Variants in PXK observed in about 807,000 individuals in gnomAD.
PXK encodes the protein PX domain containing serine/threonine kinase like, also known as PX domain-containing protein kinase-like protein.
In PXK, 35 loss-of-function variants were observed where a neutral mutation model predicts 84.7. The observed-to-expected ratio is 0.41, with a 90% CI of 0.32 to 0.55. The LOEUF (loss-of-function observed/expected upper bound fraction) is 0.55. Ranked by LOEUF, PXK falls within the 20% of genes least tolerant of loss-of-function variation. The probability of loss-of-function intolerance (pLI) is 0.21; values close to 1 mark genes in which losing one functional copy is unlikely to be tolerated. For synonymous variants in PXK, 253 were observed against 260.8 expected, an observed-to-expected ratio of 0.97 and a Z score of 0.29; for missense variants, 634 against 699.7, an observed-to-expected ratio of 0.91 and a Z score of 1.06.
At chr3:58,395,635 G>GT (rs746329140) in intron 8 of PXK, 23 bp from the exon 9 acceptor site, 1 of 1,558,178 alleles carries the variant, frequency 6.4e-7, no homozygotes, top group East Asian at 2.2e-5. Context: ...GCTTTCTTAC[G>GT]TGTTCTTTGT....
At chr3:58,391,290 A>C (rs2098629046) in intron 6 of PXK, 70 bp downstream of exon 6, 4 of 1,348,308 alleles carry the variant, frequency 3.0e-6, no homozygotes, top group Non-Finnish European at 4.2e-6. Context: ...ATTTGACAAG[A>C]GAATTACAAA....
rs868615176 is a variant in PXK, at chr3:58,395,760, G to T, written c.822+1G>T. On this transcript the variant is annotated splice_donor_variant, in intron 9 of 17. Coordinates refer to ENST00000356151, the MANE Select transcript of PXK (RefSeq NM_017771.5). LOFTEE classifies it high-confidence loss of function. ...AACATATGGACGGCAAATATTAGAG[G>T]TAAGAGGTACTTTTGTTTAAGTTGC... 6.2e-7 allele frequency: 1 copy of T among 1,600,296 alleles called. No individual in the cohort carries two copies. The highest frequency in any genetic ancestry group is 1.3e-5 in the African/African-American group (1 of 74,668).
chr3:58,346,094 CCTT>C (rs2097811560), intron 1 of PXK, among the ~76,000 whole-genome samples: 1 of 152,150 alleles, frequency 6.6e-6, no homozygotes, highest in Non-Finnish European at 1.5e-5. Flanking sequence ...TTGGTTCCTG[CCTT>C]CTTTGTTCAT....
rs1464332454 is a variant in PXK at position 58,390,052 on chromosome 3, CTTGT to C, written c.389-529_389-526del. 1.4e-5 allele frequency among the ~76,000 whole-genome samples: 2 copies of C among 147,058 alleles called. No homozygotes were observed. The highest frequency in any genetic ancestry group is 3.0e-5 in the Non-Finnish European group (2 of 67,168). On this transcript the variant is annotated intron_variant, in intron 4 of 17. Coordinates refer to ENST00000356151, the MANE Select transcript of PXK (RefSeq NM_017771.5). The surrounding 1 kb of genome is among the most constrained non-coding windows in gnomAD (Gnocchi z 4.2). ...ATTTAGCCAGGCGTGATGGCCCATG[CTTGT>C]AGTCCCAGCTATTCGGGAGGCTGAG... is the stretch of plus-strand genomic sequence containing the variant.
chr3:58,394,876 C>T, intron 7 of PXK, 122 bp from the exon 8 acceptor site: 1 of 653,602 alleles, frequency 1.5e-6, no homozygotes, highest in South Asian at 2.2e-5. Flanking sequence ...CAGGGAATAT[C>T]ACTACATTCG....
In PXK at chr3:58,333,036, C is replaced by T; in HGVS notation, c.48C>T (p.Asp16=). 7.4e-7 allele frequency: 1 copy of T among 1,357,616 alleles called. No individual in the cohort carries two copies. The allele number at this position is 1,357,616 out of a possible 1,614,324, so 84.1% of individuals were successfully genotyped here. A position where few individuals can be genotyped will look rare whatever the true frequency, so the allele number is the denominator to read the frequency against. The change falls in exon 1 of 18, where the codon GAC becomes GAT. Residue 16 remains aspartate (D), a synonymous_variant. Transcript: ENST00000356151. The surrounding 1 kb of genome is among the most constrained non-coding windows in gnomAD (Gnocchi z 5.4). The part of the protein sequence containing the change: ...KPPAGKVLLD[D]TVPLTAAIEA... ...CAGCCGGCAAGGTGCTGCTGGACGA[C>T]ACGGTGCCGCTGACAGCAGCCATCG... is the stretch of plus-strand genomic sequence containing the variant.
chr3:58,374,009 A>G (rs1576221349), intron 3 of PXK, among the ~76,000 whole-genome samples: 1 of 128,546 alleles, frequency 7.8e-6, no homozygotes, highest in African/African-American at 2.9e-5. Flanking sequence ...CGCACACTGC[A>G]CTCCAGCCAT....
rs1435813666 is a variant in PXK at position 58,390,973 on chromosome 3, CTTTTT to C, written c.467-173_467-169del. 2.0e-5 allele frequency among the ~76,000 whole-genome samples: 3 copies of C among 152,152 alleles called. No homozygotes were observed. Among genetic ancestry groups the C allele is most frequent in the Non-Finnish European group, 2.9e-5 (2 of 68,024 alleles). On this transcript the variant is annotated intron_variant, in intron 5 of 17. Coordinates refer to ENST00000356151, the MANE Select transcript of PXK (RefSeq NM_017771.5). The surrounding 1 kb of genome is among the most constrained non-coding windows in gnomAD (Gnocchi z 4.2). ...TGAATAATTTCTTCATTTACTGTTT[CTTTTT>C]AAGTATAGCCTTTACTATGCCAACG...
chr3:58,417,515 C>T (rs961631007), intron 17 of PXK, among the ~76,000 whole-genome samples: 1 of 152,090 alleles, frequency 6.6e-6, no homozygotes, highest in Admixed American at 6.6e-5. Context: ...GAGGTCCTTA[C>T]CAAGCTGATG....
In PXK at chr3:58,425,103, G is replaced by A; in HGVS notation, c.*143G>A. The A allele has an allele frequency of 1.6e-6, 2 of 1,226,324 alleles. No individual in the cohort carries two copies. The highest frequency in any genetic ancestry group is 2.2e-6 in the Non-Finnish European group (2 of 894,930). 76.0% of individuals were successfully genotyped at this position (1,226,324 alleles called of 1,614,324 possible). A position where few individuals can be genotyped will look rare whatever the true frequency, so the allele number is the denominator to read the frequency against. On this transcript the variant is annotated 3_prime_UTR_variant, in exon 18 of 18. Transcript: ENST00000356151. ...TATTTTGCAGATGCTCATGTAAGCA[G>A]CTTTTCGAGAGAAATAATTCTTTAA...
intron 17 of PXK, chr3:58,422,751 C>T: frequency 1.0e-6 from 1 of 985,404 alleles, no homozygotes; most frequent in African/African-American, 1.7e-5. Flanking sequence ...TCAGCCCAGC[C>T]CTGAGGCCCG....
At chr3:58,410,937 A>G (rs1344814450) in intron 16 of PXK, among the ~76,000 whole-genome samples, 1 of 152,194 alleles carries the variant, frequency 6.6e-6, no homozygotes, top group Middle Eastern at 3.2e-3. Context: ...GGGGAATTTG[A>G]AGATGCAAAA....
At position 58,403,928 on chromosome 3, in the gene PXK, GT is replaced by G; in HGVS notation, c.1230+24del. On this transcript the variant is annotated intron_variant, in intron 13 of 17. Coordinates refer to ENST00000356151, the MANE Select transcript of PXK (RefSeq NM_017771.5). The stretch of plus-strand genomic sequence containing the variant: ...AGTTTAAGGTAAAGACAATTATATC[GT>G]TTTTTGGTTTGTGACATAACTAAGT... The G allele has an allele frequency of 2.7e-6, 4 of 1,463,878 alleles. No individual in the cohort carries two copies. Among genetic ancestry groups the G allele is most frequent in the African/African-American group, 1.4e-5 (1 of 72,056 alleles). The allele number at this position is 1,463,878 out of a possible 1,614,324, so 90.7% of individuals were successfully genotyped here.
chr3:58,359,923 G>T (rs1377248731), intron 1 of PXK, among the ~76,000 whole-genome samples: 1 of 152,202 alleles, frequency 6.6e-6, no homozygotes. Flanking sequence ...TGAGACAGAA[G>T]AATTGCTGGA....
At chr3:58,368,111 G>C (rs1432245841) in intron 2 of PXK, among the ~76,000 whole-genome samples, 1 of 151,202 alleles carries the variant, frequency 6.6e-6, no homozygotes, top group Non-Finnish European at 1.5e-5. Context: ...TGCTGGGATT[G>C]TAGGTATGAG....
At position 58,407,535 on chromosome 3, in the gene PXK, TTTTATTTA is replaced by T. The variant is rs35342339; in HGVS notation, c.1231-1369_1231-1362del. ...TCCGTTTTTCTTTGTTGCACCAATG[TTTTATTTA>T]TTTATTTATTTATTTATTTTTCTTT... On this transcript the variant is annotated intron_variant, in intron 13 of 17. Transcript: ENST00000356151. The surrounding 1 kb of genome is among the most constrained non-coding windows in gnomAD (Gnocchi z 4.3). Among the ~76,000 whole-genome samples, 4 of 150,436 alleles carry T rather than the reference TTTTATTTA, an allele frequency of 2.7e-5. No homozygotes were observed. Among genetic ancestry groups the T allele is most frequent in the South Asian group, 4.2e-4 (2 of 4,792 alleles).
chr3:58,401,340 G>A lies in PXK; in HGVS notation c.1181+1963G>A, dbSNP rs7644444. Reference sequence around the variant, plus strand: ...TTAAAAAAGAGTAATATAGCTGGGCGCGGTGGCTCACACCTATAATCCCAG... The same window carrying A: ...TTAAAAAAGAGTAATATAGCTGGGCACGGTGGCTCACACCTATAATCCCAG... On this transcript the variant is annotated intron_variant, in intron 12 of 17. Transcript: ENST00000356151. The surrounding 1 kb of genome is among the most constrained non-coding windows in gnomAD (Gnocchi z 4.4). 0.02 allele frequency among the ~76,000 whole-genome samples: 3,075 copies of A among 152,160 alleles called. 50 individuals are homozygous for A. Among genetic ancestry groups the A allele is most frequent in the Non-Finnish European group, 0.027 (1,865 of 68,010 alleles).
At chr3:58,420,449 C>A in intron 17 of PXK, 1 of 1,444,096 alleles carries the variant, frequency 6.9e-7, no homozygotes, top group Non-Finnish European at 9.4e-7. Context: ...TAATATTTTA[C>A]TGTCTGTTAC....
chr3:58,361,492 C>G (rs2098186706), intron 1 of PXK, among the ~76,000 whole-genome samples: 2 of 152,160 alleles, frequency 1.3e-5, no homozygotes, highest in African/African-American at 4.8e-5. Flanking sequence ...CTGCTTCCCT[C>G]TGACGCCCAT....
Sources: allele counts gnomAD v4.1 joint callset (sites outside exome capture counted in the v4.1 genomes callset), GRCh38; gene constraint gnomAD v4.1.1; non-coding constraint Gnocchi (gnomAD v3.1); transcripts MANE v1.5; gene names NCBI Gene and HGNC (gene_info 2026-07-23, HGNC 2026-07-21).